The following SLC9A4 variants were observed in gnomAD, a reference collection of about 807,000 sequenced individuals.
The protein encoded by SLC9A4 is sodium/hydrogen exchanger 4.
SLC9A4 carries 63 observed loss-of-function variants against 67.4 expected under a neutral mutation model. That is an observed-to-expected ratio of 0.93 (90% CI 0.76 to 1.15). The LOEUF is 1.15. Ranked by LOEUF, SLC9A4 falls within the 50% of genes most tolerant of loss-of-function variation. The pLI, the probability that SLC9A4 is intolerant of heterozygous loss-of-function variation, is 0.00. For missense variants in SLC9A4, 1,089 were observed against 987.7 expected (o/e 1.10, Z -1.38); for synonymous variants, 393 against 367.2 (o/e 1.07, Z -0.80).
chr2:102,532,299 CT>C lies in SLC9A4; in HGVS notation c.2039-28del, dbSNP rs769105774. 264 of 1,587,938 alleles carry C rather than the reference CT, an allele frequency of 1.7e-4. 1 individual carries two copies. In the African/African-American group the frequency reaches 3.0e-3, roughly 18 times the overall value. On this transcript the variant is annotated intron_variant, in intron 11 of 11. Transcript: ENST00000295269. ...CTTAACTCTGATCTTAAGTCTTGTT[CT>C]TTCCCCTTCTTGCCATGATGTTTTC...
intron 9 of SLC9A4, 89 bp downstream of exon 9, chr2:102,520,044 T>A: frequency 9.5e-7 from 1 of 1,049,390 alleles, no homozygotes; most frequent in Non-Finnish European, 1.4e-6. Context: ...AGTCTCCTGA[T>A]GTTCACGTCA....
intron 2 of SLC9A4, among the ~76,000 whole-genome samples, chr2:102,489,570 C>T (rs1454933901): frequency 6.6e-6 from 1 of 152,150 alleles, no homozygotes; most frequent in Non-Finnish European, 1.5e-5. Context: ...TTGCTGCACC[C>T]TAGGTCAATA....
Position 102,478,943 on chromosome 2 carries a change from T to C in SLC9A4, c.361T>C (p.Ser121Pro), listed in dbSNP as rs762773752. 3 of 1,614,042 alleles carry C rather than the reference T, an allele frequency of 1.9e-6. No individual in the cohort carries two copies. The highest frequency in any genetic ancestry group is 2.5e-6 in the Non-Finnish European group (3 of 1,179,980). Residue 121 changes from serine (S) to proline (P), a missense_variant, in exon 2 of 12, where the codon TCG becomes CCG. Physicochemically the swap from Ser to Pro is moderately conservative, Grantham distance 74. Coordinates refer to ENST00000295269, the MANE Select transcript of SLC9A4 (RefSeq NM_001011552.4). ...GGIIFGTDHKSPPVMDSSIYF... is the reference protein window; with the variant it reads ...GGIIFGTDHKPPPVMDSSIYF... ...CATCATCTTCGGCACCGACCACAAA[T>C]CGCCTCCGGTCATGGACTCCAGCAT...
chr2:102,531,961 A>T (rs537736730), intron 11 of SLC9A4, among the ~76,000 whole-genome samples: 2 of 152,344 alleles, frequency 1.3e-5, no homozygotes, highest in Non-Finnish European at 2.9e-5. Context: ...TGGCTGCACC[A>T]CATAACCTGT....
Position 102,497,303 on chromosome 2 carries a change from C to T in SLC9A4, c.721-6145C>T, listed in dbSNP as rs145513699. Among the ~76,000 whole-genome samples the T allele has an allele frequency of 8.8e-4, 134 of 152,156 alleles. 2 individuals carry two copies. The East Asian group carries it at 0.022, about 25-fold the overall frequency. ...TCACGTGTCTACCATACTACCTAGC[C>T]ATTGTACTCCTAGGTATATACGCAA... is the stretch of plus-strand genomic sequence containing the variant. On this transcript the variant is annotated intron_variant, in intron 2 of 11. Coordinates refer to ENST00000295269, the MANE Select transcript of SLC9A4 (RefSeq NM_001011552.4).
intron 3 of SLC9A4, among the ~76,000 whole-genome samples, chr2:102,504,138 C>T (rs1573342694): frequency 6.6e-6 from 1 of 152,178 alleles, no homozygotes; most frequent in Admixed American, 6.5e-5. Flanking sequence ...CTGCAAGCTC[C>T]GCCTCCCGGG....
At chr2:102,483,731 A>G (rs572423201) in intron 2 of SLC9A4, among the ~76,000 whole-genome samples, 2 of 150,972 alleles carry the variant, frequency 1.3e-5, no homozygotes, top group East Asian at 3.9e-4. Context: ...CTATACACAA[A>G]TGGTTACAAC....
chr2:102,501,136 T>C (rs1439481375), intron 2 of SLC9A4, among the ~76,000 whole-genome samples: 1 of 150,592 alleles, frequency 6.6e-6, no homozygotes, highest in African/African-American at 2.5e-5. Flanking sequence ...TTTTTTTTTT[T>C]CAAGAGATGG....
intron 6 of SLC9A4, 61 bp from the exon 7 acceptor site, chr2:102,512,142 C>A: frequency 6.3e-7 from 1 of 1,582,464 alleles, no homozygotes; most frequent in Non-Finnish European, 8.7e-7. Flanking sequence ...TCTTAGTTGT[C>A]CTGTGTGTCT....
In SLC9A4 at chr2:102,519,041, C is replaced by A. The variant is rs567797902; in HGVS notation, c.1722-818C>A. Among the ~76,000 whole-genome samples the A allele has an allele frequency of 2.6e-5, 4 of 152,300 alleles. No individual in the cohort carries two copies. In the South Asian group the frequency reaches 8.3e-4, roughly 32 times the overall value. On this transcript the variant is annotated intron_variant, in intron 8 of 11. Coordinates refer to ENST00000295269, the MANE Select transcript of SLC9A4 (RefSeq NM_001011552.4). ...AAAATTACTGCCACTAGATTGTAAT[C>A]AAATACATTTGTCACATGATCATTC... is the stretch of plus-strand genomic sequence containing the variant.
In SLC9A4 at chr2:102,532,517, G is replaced by C; in HGVS notation, c.2226G>C (p.Arg742Ser). The change falls in exon 12 of 12, where the codon AGG (arginine) becomes AGC (serine). Residue 742 changes from arginine (R) to serine (S), a missense_variant. Physicochemically the swap from Arg to Ser is moderately radical, Grantham distance 110 (BLOSUM62 -1). Transcript: ENST00000295269. ...AAGAGTACTTGGGTGGAGTAAGGAG[G>C]GTGGCCTTAAGACCCAAACCTCTGT... ...SQEEYLGGVR[R>S]VALRPKPLFH... is the part of the protein sequence containing the mutation. The C allele has an allele frequency of 6.2e-7, 1 of 1,614,122 alleles. No individual in the cohort carries two copies. Among genetic ancestry groups the C allele is most frequent in the Non-Finnish European group, 8.5e-7 (1 of 1,180,006 alleles).
intron 2 of SLC9A4, among the ~76,000 whole-genome samples, chr2:102,497,429 A>T (rs1684833314): frequency 6.6e-6 from 1 of 152,226 alleles, no homozygotes; most frequent in Non-Finnish European, 1.5e-5. Flanking sequence ...GTGGACAAAT[A>T]TTCATTAACA....
chr2:102,516,282 A>G (rs1685276151), intron 8 of SLC9A4, among the ~76,000 whole-genome samples: 1 of 152,160 alleles, frequency 6.6e-6, no homozygotes. Flanking sequence ...CGTACACCCC[A>G]AGCAGTTAGT....
chr2:102,522,144 A>G (rs1368363240), intron 9 of SLC9A4, among the ~76,000 whole-genome samples: 1 of 152,218 alleles, frequency 6.6e-6, no homozygotes. Flanking sequence ...AAGAGAAGAA[A>G]CTGGCTTCAG....
At chr2:102,487,691 T>A (rs2104420252) in intron 2 of SLC9A4, among the ~76,000 whole-genome samples, 1 of 152,330 alleles carries the variant, frequency 6.6e-6, no homozygotes, top group South Asian at 2.1e-4. Context: ...CTAGGAGTAA[T>A]TAGAACTCAC....
At chr2:102,500,134 T>C (rs1165153959) in intron 2 of SLC9A4, among the ~76,000 whole-genome samples, 1 of 152,106 alleles carries the variant, frequency 6.6e-6, no homozygotes, top group East Asian at 1.9e-4. Flanking sequence ...TGGGCCCTAA[T>C]CCAATGCCTG....
At position 102,517,726 on chromosome 2, in the gene SLC9A4, T is replaced by C. The variant is rs191277760; in HGVS notation, c.1722-2133T>C. Among the ~76,000 whole-genome samples, 69 of 152,368 alleles carry C rather than the reference T, an allele frequency of 4.5e-4. No homozygotes were observed. In the East Asian group the frequency reaches 8.5e-3, roughly 19 times the overall value. The stretch of plus-strand genomic sequence containing the variant: ...CCCAAAACTATGTACAACTACTATG[T>C]ATCAATATAAAAGATAAGTAAGAAG... On this transcript the variant is annotated intron_variant, in intron 8 of 11. Coordinates refer to ENST00000295269, the MANE Select transcript of SLC9A4 (RefSeq NM_001011552.4).
rs1684994495 is a variant in SLC9A4, at chr2:102,503,817, A to G, written c.980+110A>G. 5 of 1,407,282 alleles carry G rather than the reference A, an allele frequency of 3.6e-6. No homozygotes were observed. The East Asian group carries it at 1.2e-4, about 32-fold the overall frequency. The allele number at this position is 1,407,282 out of a possible 1,614,324, so 87.2% of individuals were successfully genotyped here. The stretch of plus-strand genomic sequence containing the variant: ...CATAACCAATGACGCTAACCCTCCA[A>G]CATGTTGCAGATTTAGGATCTTCTA... On this transcript the variant is annotated intron_variant, in intron 3 of 11. Transcript: ENST00000295269.
At chr2:102,520,887 A>G (rs1432101709) in intron 9 of SLC9A4, among the ~76,000 whole-genome samples, 1 of 152,194 alleles carries the variant, frequency 6.6e-6, no homozygotes, top group Admixed American at 6.5e-5. Context: ...ATATAATCCA[A>G]TGAAAGTGAT....
Sources: allele counts gnomAD v4.1 joint callset (sites outside exome capture counted in the v4.1 genomes callset), GRCh38; gene constraint gnomAD v4.1.1; transcripts MANE v1.5; gene names NCBI Gene and HGNC (gene_info 2026-07-23, HGNC 2026-07-21).